The following PCDHGB3 variants were observed in gnomAD, a reference collection of about 807,000 sequenced individuals.
PCDHGB3 encodes protocadherin gamma-B3.
PCDHGB3 carries 40 observed loss-of-function variants against 59.2 expected under a neutral mutation model. The ratio of observed to expected loss-of-function variants is 0.68; its 90% CI spans 0.52 to 0.88. The LOEUF (loss-of-function observed/expected upper bound fraction) is 0.88. PCDHGB3 is among the 40% of genes least tolerant of loss of function. The pLI is 0.00. For missense variants in PCDHGB3, 1,309 were observed against 1,187.9 expected, an observed-to-expected ratio of 1.10 and a Z score of -1.50; for synonymous variants, 581 against 503.6, an observed-to-expected ratio of 1.15 and a Z score of -2.06.
rs1036126623 is a variant in PCDHGB3, at chr5:141,410,753, T to A, written c.2415+37944T>A. On this transcript the variant is annotated intron_variant, in intron 1 of 3. Transcript: ENST00000576222. ...AGCTTTTTACAATATTTTCTCAATG[T>A]TTTTTCAATTATAGTTTTCACTATG... 4.1e-6 allele frequency: 5 copies of A among 1,229,696 alleles called. No individual in the cohort carries two copies. In the African/African-American group the frequency reaches 6.1e-5, roughly 15 times the overall value. 76.2% of individuals were successfully genotyped at this position (1,229,696 alleles called of 1,614,324 possible). A position where few individuals can be genotyped will look rare whatever the true frequency, so the allele number is the denominator to read the frequency against.
rs371139792 is a variant in PCDHGB3 at position 141,490,160 on chromosome 5, C to A, written c.2416-4647C>A. On this transcript the variant is annotated intron_variant, in intron 1 of 3. Transcript: ENST00000576222. This position sits in a 1 kb window ranked among gnomAD's most constrained non-coding sequence, Gnocchi z 5.4. The stretch of plus-strand genomic sequence containing the variant: ...AGTGGGGCAATCCATGTGTTGGGTC[C>A]CATAGACTTTGAGGAGTCACGTTTC... The A allele has an allele frequency of 5.6e-6, 9 of 1,614,192 alleles. No homozygotes were observed. The highest frequency in any genetic ancestry group is 7.6e-6 in the Non-Finnish European group (9 of 1,180,016).
In PCDHGB3 at chr5:141,491,219, C is replaced by T; in HGVS notation, c.2416-3588C>T. ...GGTGACCCTTCACTCTCCTCCACAG[C>T]CACAGTGCTGCTGGTTCTGGAGGAT... is the stretch of plus-strand genomic sequence containing the variant. On this transcript the variant is annotated intron_variant, in intron 1 of 3. Coordinates refer to ENST00000576222, the MANE Select transcript of PCDHGB3 (RefSeq NM_018924.5). The surrounding 1 kb of genome is among the most constrained non-coding windows in gnomAD (Gnocchi z 6.9). 3 of 1,614,208 alleles carry T rather than the reference C, an allele frequency of 1.9e-6. No homozygotes were observed. The highest frequency in any genetic ancestry group is 2.5e-6 in the Non-Finnish European group (3 of 1,180,028).
At chr5:141,409,052 A>C in intron 1 of PCDHGB3, 2 of 1,614,050 alleles carry the variant, frequency 1.2e-6, no homozygotes, top group African/African-American at 1.3e-5. Context: ...CTTCCGAAGC[A>C]CTGCCCAGAG....
Position 141,477,176 on chromosome 5 carries a change from G to A in PCDHGB3, c.2416-17631G>A. ...GAATGACAACGCCCCGGAGATCACA[G>A]TCACCTCCGTGTACAGCCCAGTACC... On this transcript the variant is annotated intron_variant, in intron 1 of 3. Transcript: ENST00000576222. The surrounding 1 kb of genome is among the most constrained non-coding windows in gnomAD (Gnocchi z 4.9). 2 of 1,614,206 alleles carry A rather than the reference G, an allele frequency of 1.2e-6. No individual in the cohort carries two copies. Among genetic ancestry groups the A allele is most frequent in the Admixed American group, 1.7e-5 (1 of 60,024 alleles).
In PCDHGB3 at chr5:141,371,171, C is replaced by T; in HGVS notation, c.777C>T (p.Ser259=). ...VNVAENLPAG[S]SVLKVMAIDM... ...TTGCAGAGAACCTGCCCGCTGGCTC[C>T]TCCGTATTAAAAGTGATGGCCATTG... The change falls in exon 1 of 4, where the codon TCC becomes TCT. Residue 259 remains serine, a synonymous_variant. Coordinates refer to ENST00000576222, the MANE Select transcript of PCDHGB3 (RefSeq NM_018924.5). The T allele has an allele frequency of 6.2e-7, 1 of 1,614,048 alleles. No homozygotes were observed. Among genetic ancestry groups the T allele is most frequent in the Non-Finnish European group, 8.5e-7 (1 of 1,179,900 alleles).
At chr5:141,423,772 A>G (rs767998260) in intron 1 of PCDHGB3, 39 of 1,219,850 alleles carry the variant, frequency 3.2e-5, no homozygotes, top group East Asian at 1.6e-4. Context: ...GGGGCGGCAT[A>G]TATTTAGTTC....
intron 1 of PCDHGB3, chr5:141,376,337 A>G (rs780979921): frequency 1.9e-6 from 3 of 1,613,924 alleles, no homozygotes; most frequent in Non-Finnish European, 2.5e-6. Context: ...TTTCCTGCAG[A>G]CCTATTCCCA....
At chr5:141,374,520 C>G (rs1178494066) in intron 1 of PCDHGB3, 3 of 1,612,422 alleles carry the variant, frequency 1.9e-6, no homozygotes, top group Non-Finnish European at 2.5e-6. Flanking sequence ...CTCGAAAACG[C>G]AGCTCCATCC....
chr5:141,462,811 T>C (rs893444929), intron 1 of PCDHGB3, among the ~76,000 whole-genome samples: 1 of 152,206 alleles, frequency 6.6e-6, no homozygotes, highest in Non-Finnish European at 1.5e-5. Context: ...ATAATGTTTT[T>C]ATTGGACAGC....
At chr5:141,455,186 C>T (rs1436215310) in intron 1 of PCDHGB3, among the ~76,000 whole-genome samples, 3 of 151,542 alleles carry the variant, frequency 2.0e-5, no homozygotes, top group Non-Finnish European at 2.9e-5. Context: ...TTTTATTTCT[C>T]TACAAATTTA....
rs369940443 is a variant in PCDHGB3, at chr5:141,477,841, C to G, written c.2416-16966C>G. 6.2e-7 allele frequency: 1 copy of G among 1,613,308 alleles called. No individual in the cohort carries two copies. The highest frequency in any genetic ancestry group is 1.3e-5 in the African/African-American group (1 of 74,700). On this transcript the variant is annotated intron_variant, in intron 1 of 3. Coordinates refer to ENST00000576222, the MANE Select transcript of PCDHGB3 (RefSeq NM_018924.5). The surrounding 1 kb of genome is among the most constrained non-coding windows in gnomAD (Gnocchi z 4.9). ...TCCTATATCCTCGGCCAGGTGGGAG[C>G]TCGGTGGAGATGCTGCCTCGAGGTA...
chr5:141,370,795 G>A lies in PCDHGB3; in HGVS notation c.401G>A (p.Ser134Asn). 6.2e-7 allele frequency: 1 copy of A among 1,613,996 alleles called. No individual in the cohort carries two copies. Among genetic ancestry groups the A allele is most frequent in the Middle Eastern group, 1.6e-4 (1 of 6,062 alleles). The change falls in exon 1 of 4, where the codon AGC becomes AAC. Residue 134 changes from serine (S) to asparagine (N), a missense_variant. Transcript: ENST00000576222. ...ATTAACGACAACCCACCGACCTTTA[G>A]CCAAAATATCACTGAGCTGGAAATC... ...QDINDNPPTF[S>N]QNITELEISE... is the part of the protein sequence containing the mutation.
rs1009513071 is a variant in PCDHGB3, at chr5:141,370,542, C to T, written c.148C>T (p.Leu50Phe). 1.1e-5 allele frequency: 17 copies of T among 1,613,784 alleles called. No individual in the cohort carries two copies. Among genetic ancestry groups the T allele is most frequent in the Non-Finnish European group, 1.4e-5 (16 of 1,179,874 alleles). ...GGACAGGGGCTCGCTGGTAGGGAAC[C>T]TCGCCAAGGACCTGGGGTTTGGCGT... ...ELDRGSLVGNLAKDLGFGVGD... is the reference protein window; with the variant it reads ...ELDRGSLVGNFAKDLGFGVGD... Residue 50 changes from leucine to phenylalanine, a missense_variant, in exon 1 of 4, where the codon CTC becomes TTC. Physicochemically the swap from Leu to Phe is conservative, Grantham distance 22 (BLOSUM62 0). Coordinates refer to ENST00000576222, the MANE Select transcript of PCDHGB3 (RefSeq NM_018924.5).
intron 1 of PCDHGB3, chr5:141,408,375 T>C: frequency 6.2e-7 from 1 of 1,613,972 alleles, no homozygotes; most frequent in Non-Finnish European, 8.5e-7. Context: ...GGGCTCAGTG[T>C]CCTGGATGTG....
chr5:141,389,430 C>T (rs2091763189), intron 1 of PCDHGB3: 1 of 1,610,546 alleles, frequency 6.2e-7, no homozygotes, highest in Non-Finnish European at 8.5e-7. Context: ...GTTCGCGCAG[C>T]GCGCCTTCGA....
At chr5:141,379,080 G>C (rs1467577464) in intron 1 of PCDHGB3, 1 of 152,176 alleles carries the variant, frequency 6.6e-6, no homozygotes, top group Non-Finnish European at 1.5e-5. Flanking sequence ...ATCTGAATTT[G>C]TTATGAATGT....
At chr5:141,413,118 G>A (rs999214227) in intron 1 of PCDHGB3, 4 of 1,517,034 alleles carry the variant, frequency 2.6e-6, no homozygotes, top group Admixed American at 4.3e-5. Flanking sequence ...CAAAGGAACC[G>A]GTTGAAACAC....
intron 1 of PCDHGB3, among the ~76,000 whole-genome samples, chr5:141,380,336 G>T (rs1221282125): frequency 1.3e-5 from 2 of 152,060 alleles, no homozygotes; most frequent in Non-Finnish European, 2.9e-5. Flanking sequence ...GAACTTCAAA[G>T]AACTGTTTTG....
intron 1 of PCDHGB3, among the ~76,000 whole-genome samples, chr5:141,437,526 G>A (rs1199002765): frequency 1.3e-5 from 2 of 152,160 alleles, no homozygotes; most frequent in East Asian, 3.8e-4. Context: ...GATGACAAAT[G>A]AGCAAATTGT....
Sources: allele counts gnomAD v4.1 joint callset (sites outside exome capture counted in the v4.1 genomes callset), GRCh38; gene constraint gnomAD v4.1.1; non-coding constraint Gnocchi (gnomAD v3.1); transcripts MANE v1.5; gene names NCBI Gene and HGNC (gene_info 2026-07-23, HGNC 2026-07-21).